The following MTG1 variants were observed in gnomAD, a reference collection of about 807,000 sequenced individuals.
The protein encoded by MTG1 is mitochondrial ribosome-associated GTPase 1.
A neutral mutation model predicts 39.5 loss-of-function variants in MTG1; 30 were observed. The observed-to-expected ratio is 0.76, with a 90% CI of 0.57 to 1.03. The LOEUF (loss-of-function observed/expected upper bound fraction) is 1.03, where lower values mean the gene tolerates loss of function less well. MTG1 is among the 50% of genes least tolerant of loss of function. The pLI, the probability that MTG1 is intolerant of heterozygous loss-of-function variation, is 0.00. For synonymous variants in MTG1, 217 were observed against 179.0 expected, an observed-to-expected ratio of 1.21 and a Z score of -1.69; for missense variants, 513 against 447.4, an observed-to-expected ratio of 1.15 and a Z score of -1.32.
chr10:133,419,797 C>T (rs888179688), intron 10 of MTG1, among the ~76,000 whole-genome samples: 1 of 152,124 alleles, frequency 6.6e-6, no homozygotes, highest in African/African-American at 2.4e-5. Context: ...TGAGACCAGC[C>T]CTGCCGCGTA....
intron 9 of MTG1, among the ~76,000 whole-genome samples, chr10:133,410,275 T>C (rs1850026162): frequency 6.6e-6 from 1 of 152,190 alleles, no homozygotes; most frequent in Non-Finnish European, 1.5e-5. Context: ...GAGGCTGGTC[T>C]TGAACTCTTG....
chr10:133,404,129 C>T (rs865979095), intron 9 of MTG1, among the ~76,000 whole-genome samples: 106 of 91,084 alleles, frequency 1.2e-3, no homozygotes, highest in South Asian at 1.3e-3. Flanking sequence ...AAGTTTTAAT[C>T]TTTTTTTTTT....
At chr10:133,411,577 C>A (rs1306283160) in intron 9 of MTG1, among the ~76,000 whole-genome samples, 1 of 152,158 alleles carries the variant, frequency 6.6e-6, no homozygotes, top group Non-Finnish European at 1.5e-5. Context: ...CCCAGTAATT[C>A]CTAGGTTTGC....
At chr10:133,419,446 G>A (rs1444748600) in intron 9 of MTG1, 34 bp from the exon 10 acceptor site, 12 of 1,550,118 alleles carry the variant, frequency 7.7e-6, no homozygotes, top group Non-Finnish European at 9.6e-6. Flanking sequence ...GTCAGTGCTG[G>A]GCCCCCTGGT....
At chr10:133,410,970 T>G (rs887715492) in intron 9 of MTG1, among the ~76,000 whole-genome samples, 1 of 152,278 alleles carries the variant, frequency 6.6e-6, no homozygotes, top group Admixed American at 6.5e-5. Flanking sequence ...TGATACATTT[T>G]TCTTTTAGTC....
intron 7 of MTG1, 47 bp downstream of exon 7, chr10:133,401,637 A>G (rs1849877897): frequency 1.3e-6 from 2 of 1,593,718 alleles, no homozygotes; most frequent in African/African-American, 2.7e-5. Flanking sequence ...AGAGCTCTGC[A>G]GGCGTCTGGC....
At chr10:133,405,834 C>T (rs1021859559) in intron 9 of MTG1, among the ~76,000 whole-genome samples, 11 of 152,154 alleles carry the variant, frequency 7.2e-5, no homozygotes, top group African/African-American at 2.4e-4. Context: ...GATTTCCATT[C>T]TTTTGGGTCT....
At chr10:133,416,736 TCA>T (rs1850139584) in intron 9 of MTG1, among the ~76,000 whole-genome samples, 1 of 146,700 alleles carries the variant, frequency 6.8e-6, no homozygotes, top group African/African-American at 2.5e-5. Context: ...CATGAACTCA[TCA>T]TTTTTTATGG....
At chr10:133,399,047 C>A in intron 4 of MTG1, 123 bp from the exon 5 acceptor site, 1 of 1,084,518 alleles carries the variant, frequency 9.2e-7, no homozygotes. Context: ...TTTCTGTTTT[C>A]CTAACGGATA....
At chr10:133,418,822 T>C (rs1466359224) in intron 9 of MTG1, among the ~76,000 whole-genome samples, 2 of 152,076 alleles carry the variant, frequency 1.3e-5, no homozygotes, top group Non-Finnish European at 2.9e-5. Context: ...TAGGGTGGTG[T>C]TTGTCCCTGT....
At chr10:133,404,955 TGGTA>T (rs1186484312) in intron 9 of MTG1, among the ~76,000 whole-genome samples, 1 of 152,232 alleles carries the variant, frequency 6.6e-6, no homozygotes, top group East Asian at 1.9e-4. Context: ...CAGGCAGTGC[TGGTA>T]GCCCCCACTC....
At chr10:133,399,915 C>T (rs1290095701) in intron 6 of MTG1, 10 of 316,982 alleles carry the variant, frequency 3.2e-5, no homozygotes, top group Admixed American at 4.8e-5. Context: ...TCCCTTTGGC[C>T]GGGTGCATGG....
intron 9 of MTG1, among the ~76,000 whole-genome samples, chr10:133,418,193 A>G (rs986244921): frequency 2.0e-5 from 3 of 152,180 alleles, no homozygotes; most frequent in South Asian, 2.1e-4. Context: ...TAGTAGAGAC[A>G]GGGTTTCACC....
chr10:133,409,205 T>C (rs1031107395), intron 9 of MTG1, among the ~76,000 whole-genome samples: 5 of 152,204 alleles, frequency 3.3e-5, no homozygotes, highest in African/African-American at 1.2e-4. Context: ...GCAACACTTT[T>C]GCTGAATCCC....
chr10:133,396,283 T>G lies in MTG1; in HGVS notation c.282+16T>G. ...AGAGCAGCAGGTAAAGGCCTTTCTC[T>G]CAGACGCCTTCAGCAGTGTGGCTGT... On this transcript the variant is annotated intron_variant, in intron 3 of 10. Transcript: ENST00000317502. The G allele has an allele frequency of 6.3e-7, 1 of 1,596,798 alleles. No homozygotes were observed. Among genetic ancestry groups the G allele is most frequent in the African/African-American group, 1.3e-5 (1 of 74,726 alleles).
chr10:133,404,129 CTT>C (rs57165977), intron 9 of MTG1, among the ~76,000 whole-genome samples: 14 of 91,166 alleles, frequency 1.5e-4, no homozygotes, highest in Admixed American at 4.4e-4. Flanking sequence ...AAGTTTTAAT[CTT>C]TTTTTTTTTT....
At chr10:133,398,549 C>T in intron 4 of MTG1, 34 bp downstream of exon 4, 1 of 1,585,616 alleles carries the variant, frequency 6.3e-7, no homozygotes, top group Non-Finnish European at 8.6e-7. Context: ...TCTGACGCTT[C>T]TGCTTCAGTA....
intron 9 of MTG1, among the ~76,000 whole-genome samples, chr10:133,415,201 CGGGAGCGGGAGA>C (rs1052272786): frequency 2.9e-4 from 44 of 150,820 alleles, no homozygotes; most frequent in Non-Finnish European, 5.0e-4. Context: ...GGGAGCGGAG[CGGGAGCGGGAGA>C]GGGAGCGGGA....
intron 9 of MTG1, among the ~76,000 whole-genome samples, chr10:133,414,691 C>T (rs911163746): frequency 1.3e-5 from 2 of 151,942 alleles, no homozygotes; most frequent in African/African-American, 4.8e-5. Flanking sequence ...GATGGGCGGC[C>T]AGGCAGAGGG....
Sources: allele counts gnomAD v4.1 joint callset (sites outside exome capture counted in the v4.1 genomes callset), GRCh38; gene constraint gnomAD v4.1.1; transcripts MANE v1.5; gene names NCBI Gene and HGNC (gene_info 2026-07-23, HGNC 2026-07-21).